LNPK: variants seen among roughly 807,000 people sequenced by gnomAD.
LNPK encodes the protein lunapark, ER junction formation factor.
LNPK carries 29 observed loss-of-function variants against 55.2 expected under a neutral mutation model. The ratio of observed to expected loss-of-function variants is 0.53; its 90% CI spans 0.39 to 0.72. LNPK has a LOEUF of 0.72. LNPK is among the 30% of genes least tolerant of loss of function. The pLI is 0.00. For synonymous variants in LNPK, 162 were observed against 168.2 expected (o/e 0.96, Z 0.29); for missense variants, 467 against 494.8 (o/e 0.94, Z 0.53).
At chr2:175,940,756 A>G (rs1684796249) in intron 9 of LNPK, among the ~76,000 whole-genome samples, 1 of 152,194 alleles carries the variant, frequency 6.6e-6, no homozygotes. Flanking sequence ...GACTATGACT[A>G]TATTTCATAT....
At position 175,929,374 on chromosome 2, in the gene LNPK, G is replaced by A. The variant is rs932026894; in HGVS notation, c.*593C>T. ...TTCATTGCATTCTCACTGAGAATTC[G>A]TACCAGTGCCAACGTAGTTACAGTT... On this transcript the variant is annotated 3_prime_UTR_variant, in exon 13 of 13. Transcript: ENST00000272748. 4.1e-6 allele frequency: 4 copies of A among 985,076 alleles called. No individual in the cohort carries two copies. Among genetic ancestry groups the A allele is most frequent in the East Asian group, 1.1e-4 (1 of 8,818 alleles). The allele number at this position is 985,076 out of a possible 1,614,324, so 61.0% of individuals were successfully genotyped here.
At chr2:175,957,914 T>A (rs819037) in intron 8 of LNPK, among the ~76,000 whole-genome samples, 1 of 152,178 alleles carries the variant, frequency 6.6e-6, no homozygotes, top group Non-Finnish European at 1.5e-5. Flanking sequence ...ATATCCCGTG[T>A]CTGGTTTGGC....
At chr2:175,942,395 C>T (rs980215674) in intron 9 of LNPK, among the ~76,000 whole-genome samples, 4 of 152,064 alleles carry the variant, frequency 2.6e-5, no homozygotes, top group African/African-American at 9.7e-5. Context: ...CATGTTCTTT[C>T]AAGTAAATAT....
rs574257587 is a variant in LNPK, at chr2:175,998,214, C to T, written c.-62-2568G>A. Among the ~76,000 whole-genome samples, 20 of 151,966 alleles carry T rather than the reference C, an allele frequency of 1.3e-4. No individual in the cohort carries two copies. The East Asian group carries it at 1.9e-3, about 15-fold the overall frequency. The stretch of plus-strand genomic sequence containing the variant: ...ATCCCAACACTTTGGGAGGCCGAGG[C>T]GGGTGGATCACAAGGTCAAGAGTTC... On this transcript the variant is annotated intron_variant, in intron 1 of 12. Transcript: ENST00000272748.
At chr2:175,960,494 A>T (rs1309848172) in intron 8 of LNPK, among the ~76,000 whole-genome samples, 2 of 152,202 alleles carry the variant, frequency 1.3e-5, no homozygotes, top group Non-Finnish European at 2.9e-5. Context: ...AGAAATAAAG[A>T]TGTTCTTTGA....
Position 175,947,797 on chromosome 2 carries a change from T to A in LNPK, c.494-105A>T, listed in dbSNP as rs1488493890. ...AAATTTTACGCCCCAAAAGGCATTG[T>A]AGTGTCAAAATTACTTATAATAATA... On this transcript the variant is annotated intron_variant, in intron 8 of 12. Transcript: ENST00000272748. The A allele has an allele frequency of 2.0e-5, 13 of 658,154 alleles. No individual in the cohort carries two copies. In the South Asian group the frequency reaches 4.2e-4, roughly 21 times the overall value. 40.8% of individuals were successfully genotyped at this position (658,154 alleles called of 1,614,324 possible). A position where few individuals can be genotyped will look rare whatever the true frequency, so the allele number is the denominator to read the frequency against.
chr2:175,988,815 C>T (rs539940102), intron 4 of LNPK, among the ~76,000 whole-genome samples: 2 of 152,262 alleles, frequency 1.3e-5, no homozygotes, highest in African/African-American at 4.8e-5. Context: ...AGTCTGTCGC[C>T]CAGGCTGGAG....
At chr2:175,997,359 T>C (rs922160795) in intron 1 of LNPK, among the ~76,000 whole-genome samples, 1 of 152,222 alleles carries the variant, frequency 6.6e-6, no homozygotes, top group Non-Finnish European at 1.5e-5. Context: ...TATAAATTTC[T>C]ATCTGAATTA....
intron 5 of LNPK, among the ~76,000 whole-genome samples, chr2:175,979,047 T>C (rs1331192005): frequency 6.6e-6 from 1 of 152,128 alleles, no homozygotes; most frequent in Non-Finnish European, 1.5e-5. Flanking sequence ...AAATGATACT[T>C]ATGAGATAAC....
intron 12 of LNPK, among the ~76,000 whole-genome samples, chr2:175,935,316 A>G (rs1336360898): frequency 6.6e-6 from 1 of 152,208 alleles, no homozygotes; most frequent in Non-Finnish European, 1.5e-5. Context: ...TTTAAAAATC[A>G]GAAATCTAAA....
intron 4 of LNPK, among the ~76,000 whole-genome samples, chr2:175,982,087 G>A (rs2105689796): frequency 6.6e-6 from 1 of 152,230 alleles, no homozygotes; most frequent in East Asian, 1.9e-4. Context: ...AGGGAAGGGA[G>A]ATAAGAGAAT....
At position 175,924,316 on chromosome 2, in the gene LNPK, T is replaced by G. The variant is rs1036302193; in HGVS notation, c.*5651A>C. ...ACAAAATGCCTTTATTCTTTGGCCCTTCAACTAACTGATTTGTACACAGAT... is the reference window on the plus strand; with the variant it reads ...ACAAAATGCCTTTATTCTTTGGCCCGTCAACTAACTGATTTGTACACAGAT... On this transcript the variant is annotated 3_prime_UTR_variant, in exon 13 of 13. Transcript: ENST00000272748. 1 of 152,236 alleles carries G rather than the reference T, an allele frequency of 6.6e-6. No homozygotes were observed. The highest frequency in any genetic ancestry group is 1.5e-5 in the Non-Finnish European group (1 of 68,038). 9.4% of individuals were successfully genotyped at this position (152,236 alleles called of 1,614,324 possible).
At chr2:175,978,336 G>A (rs1020357033) in intron 5 of LNPK, among the ~76,000 whole-genome samples, 3 of 152,036 alleles carry the variant, frequency 2.0e-5, no homozygotes, top group African/African-American at 7.2e-5. Context: ...GGAGGGTATT[G>A]GGACCAATCC....
Position 175,939,567 on chromosome 2 carries a change from T to A in LNPK, c.797A>T (p.Asp266Val), listed in dbSNP as rs773530740. 15 of 1,584,064 alleles carry A rather than the reference T, an allele frequency of 9.5e-6. No individual in the cohort carries two copies. Among genetic ancestry groups the A allele is most frequent in the Middle Eastern group, 3.3e-4 (2 of 5,988 alleles). Reference protein sequence around the residue: ...LDRIVEYLVGDGPQNRYALIC... With the variant: ...LDRIVEYLVGVGPQNRYALIC... Reference sequence around the variant, plus strand: ...TAAATATTACCTGTTTTGTGGACCATCACCAACCAAATATTCAACAATTCT... The same window carrying A: ...TAAATATTACCTGTTTTGTGGACCAACACCAACCAAATATTCAACAATTCT... The change falls in exon 10 of 13, where the codon GAT becomes GTT. Residue 266 changes from aspartate to valine, a missense_variant. By Grantham distance (152) the Asp-to-Val change is radical (BLOSUM62 -3). Coordinates refer to ENST00000272748, the MANE Select transcript of LNPK (RefSeq NM_030650.3).
chr2:175,994,368 C>G, intron 2 of LNPK: 1 of 976,654 alleles, frequency 1.0e-6, no homozygotes, highest in Non-Finnish European at 1.2e-6. Flanking sequence ...TAATGCTGAT[C>G]CAAAACAAGG....
Position 175,939,558 on chromosome 2 carries a change from T to C in LNPK, c.806A>G (p.Gln269Arg). Residue 269 changes from glutamine (Q) to arginine (R), a missense_variant, in exon 10 of 13, where the codon CAA (glutamine) becomes CGA (arginine). Coordinates refer to ENST00000272748, the MANE Select transcript of LNPK (RefSeq NM_030650.3). Reference protein sequence around the residue: ...IVEYLVGDGPQNRYALICQQC... With the variant: ...IVEYLVGDGPRNRYALICQQC... ...CCACCTTAGTAAATATTACCTGTTT[T>C]GTGGACCATCACCAACCAAATATTC... 1 of 1,542,914 alleles carries C rather than the reference T, an allele frequency of 6.5e-7. No homozygotes were observed. The highest frequency in any genetic ancestry group is 1.4e-5 in the African/African-American group (1 of 73,388).
intron 4 of LNPK, among the ~76,000 whole-genome samples, chr2:175,987,621 T>C (rs1049044026): frequency 4.6e-5 from 7 of 151,794 alleles, no homozygotes; most frequent in African/African-American, 1.7e-4. Flanking sequence ...CGTGTAAACA[T>C]ATGTAACAAA....
chr2:175,942,054 G>C (rs1297278279), intron 9 of LNPK, among the ~76,000 whole-genome samples: 2 of 151,854 alleles, frequency 1.3e-5, no homozygotes, highest in African/African-American at 2.4e-5. Context: ...TTCATCACTA[G>C]AAGAACAATA....
intron 6 of LNPK, among the ~76,000 whole-genome samples, chr2:175,970,561 G>A (rs1686610350): frequency 6.6e-6 from 1 of 151,810 alleles, no homozygotes; most frequent in African/African-American, 2.4e-5. Context: ...CAGATTCTCA[G>A]AATCTCAAAA....
Sources: gnomAD v4.1 joint callset for allele counts (sites outside exome capture counted in the v4.1 genomes callset) on GRCh38, gnomAD v4.1.1 for gene constraint, MANE v1.5 for transcripts, NCBI Gene and HGNC (gene_info 2026-07-23, HGNC 2026-07-21) for gene names.